NRG3: variants seen among roughly 807,000 people sequenced by gnomAD.
The protein encoded by NRG3 is neuregulin 3.
A neutral mutation model predicts 66.9 loss-of-function variants in NRG3; 31 were observed. That is an observed-to-expected ratio of 0.46 (90% CI 0.35 to 0.63). NRG3 has a LOEUF of 0.63. Among genes scored for constraint, NRG3 ranks in the 20% least tolerant of loss-of-function variants. The pLI, the probability that NRG3 is intolerant of heterozygous loss-of-function variation, is 0.00. For synonymous variants in NRG3, 393 were observed against 359.4 expected, an observed-to-expected ratio of 1.09 and a Z score of -1.06; for missense variants, 910 against 878.9, an observed-to-expected ratio of 1.04 and a Z score of -0.45.
At chr10:82,667,944 C>T (rs1357740534) in intron 2 of NRG3, among the ~76,000 whole-genome samples, 1 of 152,102 alleles carries the variant, frequency 6.6e-6, no homozygotes, top group Non-Finnish European at 1.5e-5. Context: ...TAGAAATTTG[C>T]TAAGCAATAG....
chr10:82,735,366 A>G (rs1429672501), intron 2 of NRG3, among the ~76,000 whole-genome samples: 2 of 152,206 alleles, frequency 1.3e-5, no homozygotes, highest in East Asian at 1.9e-4. Context: ...AAAGAAATAC[A>G]AAGAACAGTG....
chr10:82,920,029 G>T (rs1317195387), intron 4 of NRG3, among the ~76,000 whole-genome samples: 1 of 152,114 alleles, frequency 6.6e-6, no homozygotes, highest in Admixed American at 6.6e-5. Flanking sequence ...GATTCAACAT[G>T]TAAGAAGATC....
intron 2 of NRG3, among the ~76,000 whole-genome samples, chr10:82,503,787 A>G (rs1162942564): frequency 6.6e-6 from 1 of 152,142 alleles, no homozygotes; most frequent in Non-Finnish European, 1.5e-5. Flanking sequence ...GGTTTACACA[A>G]CCTCATACAC....
chr10:82,424,636 A>C (rs2089299971), intron 2 of NRG3, among the ~76,000 whole-genome samples: 1 of 152,036 alleles, frequency 6.6e-6, no homozygotes, highest in African/African-American at 2.4e-5. Context: ...AAAAGAGTTA[A>C]TTTTGACAAA....
chr10:82,105,552 T>C (rs1263061856), intron 1 of NRG3, among the ~76,000 whole-genome samples: 1 of 152,186 alleles, frequency 6.6e-6, no homozygotes, highest in Admixed American at 6.5e-5. Flanking sequence ...TTTGCTACTT[T>C]GTGTAGAGGA....
chr10:82,861,220 G>A (rs342397), intron 3 of NRG3, among the ~76,000 whole-genome samples: 29,790 of 151,538 alleles, frequency 0.2, 3,503 homozygotes, highest in African/African-American at 0.35. Flanking sequence ...TAATTTACAT[G>A]AGAGTTAACT....
At chr10:82,230,663 T>G (rs2076410781) in intron 1 of NRG3, among the ~76,000 whole-genome samples, 1 of 151,978 alleles carries the variant, frequency 6.6e-6, no homozygotes, top group South Asian at 2.1e-4. Context: ...ATGTTGAAAA[T>G]ATTAAATATT....
chr10:82,232,825 T>C (rs1339440691), intron 1 of NRG3: 1 of 717,270 alleles, frequency 1.4e-6, no homozygotes, highest in Non-Finnish European at 2.6e-6. Flanking sequence ...GCAAGGTAAG[T>C]TGTAAGGCAT....
At position 82,932,043 on chromosome 10, in the gene NRG3, G is replaced by T. The variant is rs186986483; in HGVS notation, c.1055-19426G>T. 8.5e-5 allele frequency among the ~76,000 whole-genome samples: 13 copies of T among 152,252 alleles called. No homozygotes were observed. The East Asian group carries it at 2.5e-3, about 29-fold the overall frequency. On this transcript the variant is annotated intron_variant, in intron 4 of 8. Coordinates refer to ENST00000372141, the MANE Select transcript of NRG3 (RefSeq NM_001010848.4). ...CAGTTTACAGTCTTAGCTCCCACCT[G>T]CCCATGGGAAGGACCACAGGGATCT...
At chr10:82,249,613 C>T (rs1708797411) in intron 1 of NRG3, among the ~76,000 whole-genome samples, 2 of 152,102 alleles carry the variant, frequency 1.3e-5, no homozygotes, top group Non-Finnish European at 2.9e-5. Context: ...ACTTGTCTGC[C>T]AGAAGTGGGA....
intron 3 of NRG3, among the ~76,000 whole-genome samples, chr10:82,789,988 C>A (rs551503767): frequency 6.6e-6 from 1 of 152,028 alleles, no homozygotes; most frequent in Non-Finnish European, 1.5e-5. Flanking sequence ...ACAATCTTTG[C>A]TCATGGATAG....
intron 1 of NRG3, among the ~76,000 whole-genome samples, chr10:81,969,668 A>G (rs1156455164): frequency 6.6e-6 from 1 of 152,214 alleles, no homozygotes; most frequent in Non-Finnish European, 1.5e-5. Context: ...GAAAGCACAT[A>G]TAGTATCAGG....
At chr10:81,947,087 A>G (rs1848910517) in intron 1 of NRG3, among the ~76,000 whole-genome samples, 1 of 152,080 alleles carries the variant, frequency 6.6e-6, no homozygotes. Context: ...GGGGAAGGAC[A>G]CTTTTTTTGT....
intron 2 of NRG3, among the ~76,000 whole-genome samples, chr10:82,410,433 G>A (rs140225122): frequency 7.7e-4 from 110 of 143,704 alleles, no homozygotes; most frequent in African/African-American, 3.0e-3. Flanking sequence ...GCCACATACT[G>A]TATGAGTCCA....
chr10:82,515,864 C>T (rs1265747461), intron 2 of NRG3, among the ~76,000 whole-genome samples: 1 of 152,164 alleles, frequency 6.6e-6, no homozygotes, highest in Admixed American at 6.5e-5. Context: ...TGGGGTTCCC[C>T]AACTTTTGTG....
intron 1 of NRG3, among the ~76,000 whole-genome samples, chr10:81,895,381 C>A (rs2132600434): frequency 6.6e-6 from 1 of 152,232 alleles, no homozygotes; most frequent in South Asian, 2.1e-4. Context: ...GATCTGCATA[C>A]TCAGATTATT....
At chr10:82,335,304 G>T (rs548372796) in intron 1 of NRG3, among the ~76,000 whole-genome samples, 1 of 152,296 alleles carries the variant, frequency 6.6e-6, no homozygotes, top group East Asian at 1.9e-4. Context: ...GCCAATGATG[G>T]CTCAGCAGAA....
intron 1 of NRG3, among the ~76,000 whole-genome samples, chr10:82,290,868 C>A (rs2079696730): frequency 6.6e-6 from 1 of 150,800 alleles, no homozygotes; most frequent in African/African-American, 2.4e-5. Flanking sequence ...TGGTCTCGAT[C>A]TCCTGACATC....
intron 1 of NRG3, among the ~76,000 whole-genome samples, chr10:82,007,373 C>A (rs531226531): frequency 1.3e-5 from 2 of 151,952 alleles, no homozygotes; most frequent in South Asian, 2.1e-4. Context: ...CCATGCCCAG[C>A]TAATTTTTAT....
Sources: gnomAD v4.1 joint callset for allele counts (sites outside exome capture counted in the v4.1 genomes callset) on GRCh38, gnomAD v4.1.1 for gene constraint, MANE v1.5 for transcripts, NCBI Gene and HGNC (gene_info 2026-07-23, HGNC 2026-07-21) for gene names.